The following ZYG11B variants were observed in gnomAD, a reference collection of about 807,000 sequenced individuals.
ZYG11B encodes protein zyg-11 homolog B.
ZYG11B carries 36 observed loss-of-function variants against 82.4 expected under a neutral mutation model. The ratio of observed to expected loss-of-function variants is 0.44; its 90% CI spans 0.33 to 0.58. ZYG11B has a LOEUF of 0.58. ZYG11B is among the 20% of genes least tolerant of loss of function. The pLI, the probability that ZYG11B is intolerant of heterozygous loss-of-function variation, is 0.02. For missense variants in ZYG11B, 552 were observed against 895.6 expected, an observed-to-expected ratio of 0.62 and a Z score of 4.90; for synonymous variants, 303 against 312.8, an observed-to-expected ratio of 0.97 and a Z score of 0.33.
chr1:52,771,299 G>C lies in ZYG11B; in HGVS notation c.476G>C (p.Ser159Thr). The C allele has an allele frequency of 1.9e-6, 3 of 1,614,212 alleles. No individual in the cohort carries two copies. The highest frequency in any genetic ancestry group is 2.5e-6 in the Non-Finnish European group (3 of 1,180,040). The change falls in exon 3 of 14, where the codon AGC becomes ACC. Residue 159 changes from serine (S) to threonine (T), a missense_variant. This residue lies in a region of ZYG11B where 359 missense variants were observed against 555.8 expected (regional missense o/e 0.65). Coordinates refer to ENST00000294353, the MANE Select transcript of ZYG11B (RefSeq NM_024646.3). The surrounding 1 kb of genome is among the most constrained non-coding windows in gnomAD (Gnocchi z 5.4). ...SLEDPYERCF[S>T]RLSGLRALSI... ...GAGGATCCTTACGAGCGCTGCTTCA[G>C]CCGGCTTTCTGGCCTTCGAGCTTTA...
At chr1:52,789,927 T>TA in intron 5 of ZYG11B, 76 bp from the exon 6 acceptor site, 2 of 1,037,064 alleles carry the variant, frequency 1.9e-6, no homozygotes, top group South Asian at 2.2e-5. Flanking sequence ...TTTTTTTTTT[T>TA]TATGGAAGCT....
intron 10 of ZYG11B, among the ~76,000 whole-genome samples, chr1:52,807,830 C>A (rs1321377484): frequency 6.6e-6 from 1 of 152,150 alleles, no homozygotes; most frequent in Non-Finnish European, 1.5e-5. Context: ...TTTAACATTT[C>A]TTACAGTGTG....
intron 8 of ZYG11B, among the ~76,000 whole-genome samples, chr1:52,797,349 A>T (rs1484332286): frequency 3.8e-5 from 2 of 52,218 alleles, no homozygotes; most frequent in African/African-American, 3.2e-4. Flanking sequence ...ATAATTATAT[A>T]TTATATATAA....
intron 10 of ZYG11B, among the ~76,000 whole-genome samples, chr1:52,811,050 A>AGT (rs200152306): frequency 7.6e-6 from 1 of 130,782 alleles, no homozygotes. Flanking sequence ...AAAAAAAAAA[A>AGT]AAGAGAAATT....
chr1:52,790,185 G>T, intron 6 of ZYG11B, 118 bp downstream of exon 6: 1 of 635,804 alleles, frequency 1.6e-6, no homozygotes, highest in South Asian at 4.4e-5. Context: ...AGATAGAATT[G>T]TGGGTTATTT....
chr1:52,783,805 T>TATATATACACAC, intron 4 of ZYG11B, among the ~76,000 whole-genome samples: 1 of 135,004 alleles, frequency 7.4e-6, no homozygotes, highest in South Asian at 2.3e-4. Context: ...TATATATATA[T>TATATATACACAC]ACACACACAC....
At chr1:52,769,109 C>T (rs775124960) in intron 2 of ZYG11B, among the ~76,000 whole-genome samples, 1 of 151,958 alleles carries the variant, frequency 6.6e-6, no homozygotes, top group Non-Finnish European at 1.5e-5. Flanking sequence ...GATTATGAAT[C>T]CTTTGACTAT....
intron 6 of ZYG11B, among the ~76,000 whole-genome samples, chr1:52,791,937 A>G (rs916321238): frequency 2.6e-5 from 4 of 152,198 alleles, no homozygotes; most frequent in African/African-American, 9.6e-5. Context: ...TTAATGGGCT[A>G]GATTAGAAAT....
In ZYG11B at chr1:52,754,860, TGTG is replaced by T. The variant is rs1644558766; in HGVS notation, c.31-1595_31-1593del. 3.9e-5 allele frequency among the ~76,000 whole-genome samples: 6 copies of T among 152,196 alleles called. No homozygotes were observed. The South Asian group carries it at 1.2e-3, about 31-fold the overall frequency. ...TACTATTTAGGACCTTGATCTATTT[TGTG>T]GTAATTTTTCTATATGATGTGAGAT... On this transcript the variant is annotated intron_variant, in intron 1 of 13. Transcript: ENST00000294353.
At chr1:52,783,882 A>ATGTACATACACTTGTGTG (rs74208826) in intron 4 of ZYG11B, among the ~76,000 whole-genome samples, 1 of 126,012 alleles carries the variant, frequency 7.9e-6, no homozygotes, top group African/African-American at 3.5e-5. Flanking sequence ...ACGTGTGTGT[A>ATGTACATACACTTGTGTG]TATGTACATA....
Position 52,817,793 on chromosome 1 carries a change from A to G in ZYG11B, c.2044+1164A>G, listed in dbSNP as rs1367305870. 2.2e-3 allele frequency among the ~76,000 whole-genome samples: 96 copies of G among 44,552 alleles called. 1 individual carries two copies. Among genetic ancestry groups the G allele is most frequent in the African/African-American group, 4.7e-3 (68 of 14,474 alleles). 29.2% of individuals were successfully genotyped at this position (44,552 alleles called of 152,430 possible). A position where few individuals can be genotyped will look rare whatever the true frequency, so the allele number is the denominator to read the frequency against. ...TATATATGTGTATATATATATATAT[A>G]TATATATATATATATATATATATTT... is the stretch of plus-strand genomic sequence containing the variant. On this transcript the variant is annotated intron_variant, in intron 13 of 13. Coordinates refer to ENST00000294353, the MANE Select transcript of ZYG11B (RefSeq NM_024646.3).
At chr1:52,729,413 T>A (rs1014274564) in intron 1 of ZYG11B, among the ~76,000 whole-genome samples, 8 of 152,188 alleles carry the variant, frequency 5.3e-5, no homozygotes, top group Admixed American at 5.2e-4. Flanking sequence ...TTAAAACATA[T>A]ACACACAGAG....
intron 3 of ZYG11B, chr1:52,772,046 C>G (rs1571766429): frequency 1.5e-6 from 1 of 685,472 alleles, no homozygotes; most frequent in East Asian, 2.7e-5. Flanking sequence ...AAGGGCAAGT[C>G]ACGTAGTAGG....
chr1:52,761,927 C>T (rs1644635104), intron 2 of ZYG11B, among the ~76,000 whole-genome samples: 1 of 152,048 alleles, frequency 6.6e-6, no homozygotes, highest in African/African-American at 2.4e-5. Context: ...TGATGTTTAG[C>T]AATTTTTTTA....
intron 1 of ZYG11B, among the ~76,000 whole-genome samples, chr1:52,745,668 A>G (rs1360135392): frequency 2.1e-5 from 3 of 145,606 alleles, no homozygotes; most frequent in African/African-American, 7.7e-5. Flanking sequence ...GGTTCAAGCA[A>G]TTCTCCTGCC....
chr1:52,804,385 G>C (rs1303674464), intron 10 of ZYG11B, among the ~76,000 whole-genome samples: 3 of 151,896 alleles, frequency 2.0e-5, no homozygotes, highest in Non-Finnish European at 4.4e-5. Flanking sequence ...GGGTGAGGCA[G>C]GCGGGTCACC....
chr1:52,737,744 A>C (rs553429402), intron 1 of ZYG11B, among the ~76,000 whole-genome samples: 40 of 152,342 alleles, frequency 2.6e-4, no homozygotes, highest in African/African-American at 8.4e-4. Context: ...CCTGGGCAAC[A>C]AGAGCAAAAC....
At position 52,771,753 on chromosome 1, in the gene ZYG11B, C is replaced by T; in HGVS notation, c.930C>T (p.Leu310=). 1.2e-6 allele frequency: 2 copies of T among 1,611,254 alleles called. No homozygotes were observed. Among genetic ancestry groups the T allele is most frequent in the Non-Finnish European group, 1.7e-6 (2 of 1,178,036 alleles). ...LATDAGYSEF[L]TGEGHLKVSG... is the part of the protein sequence containing the mutation. ...CTGATGCTGGTTACTCTGAATTCCTCACAGGCGAAGGACATTTGAAGGTTA... is the reference window on the plus strand; with the variant it reads ...CTGATGCTGGTTACTCTGAATTCCTTACAGGCGAAGGACATTTGAAGGTTA... The change falls in exon 3 of 14, where the codon CTC becomes CTT. Residue 310 remains leucine (L), a synonymous_variant. Transcript: ENST00000294353. This position sits in a 1 kb window ranked among gnomAD's most constrained non-coding sequence, Gnocchi z 5.4.
chr1:52,797,400 TGAAA>T (rs1285992049), intron 8 of ZYG11B, among the ~76,000 whole-genome samples: 2 of 95,316 alleles, frequency 2.1e-5, no homozygotes, highest in East Asian at 3.4e-4. Context: ...ATATCATATA[TGAAA>T]TATATATCAT....
Sources: gnomAD v4.1 joint callset for allele counts (sites outside exome capture counted in the v4.1 genomes callset) on GRCh38, gnomAD v4.1.1 for gene constraint, gnomAD v4.1.1 regional missense constraint, Gnocchi (gnomAD v3.1) non-coding constraint, MANE v1.5 for transcripts, NCBI Gene and HGNC (gene_info 2026-07-23, HGNC 2026-07-21) for gene names.